The following EYA2 variants were observed in gnomAD, a reference collection of about 807,000 sequenced individuals.
EYA2 encodes the protein protein phosphatase EYA2.
Under a neutral mutation model 69.2 loss-of-function variants are expected in EYA2, and 31 were observed. That is an observed-to-expected ratio of 0.45 (90% CI 0.34 to 0.60). The LOEUF (loss-of-function observed/expected upper bound fraction) is 0.60, where lower values mean the gene tolerates loss of function less well. Among genes scored for constraint, EYA2 ranks in the 20% least tolerant of loss-of-function variants. EYA2 has a pLI of 0.02. For synonymous variants in EYA2, 257 were observed against 279.4 expected (o/e 0.92, Z 0.80); for missense variants, 622 against 701.2 (o/e 0.89, Z 1.28).
intron 1 of EYA2, among the ~76,000 whole-genome samples, chr20:46,903,726 C>T (rs1332124536): frequency 1.3e-5 from 2 of 152,230 alleles, no homozygotes; most frequent in Admixed American, 6.5e-5. Context: ...TTTGGAACTA[C>T]GGCTGGCAAG....
intron 1 of EYA2, among the ~76,000 whole-genome samples, chr20:46,970,176 C>G (rs1051573670): frequency 6.6e-5 from 10 of 152,238 alleles, no homozygotes; most frequent in African/African-American, 2.4e-4. Context: ...TTAAGCGCGA[C>G]TGAAGCGCGG....
intron 10 of EYA2, among the ~76,000 whole-genome samples, chr20:47,160,210 G>A (rs1459323658): frequency 3.3e-5 from 5 of 152,154 alleles, no homozygotes; most frequent in African/African-American, 7.2e-5. Flanking sequence ...GAGTGAGGAG[G>A]TGACTGTAGT....
chr20:47,023,216 TA>T (rs1382165995), intron 5 of EYA2, among the ~76,000 whole-genome samples: 2 of 152,200 alleles, frequency 1.3e-5, no homozygotes, highest in Admixed American at 1.3e-4. Context: ...TTTGCAAACA[TA>T]AGTAAAATAT....
At chr20:47,073,258 A>G (rs1324988245) in intron 6 of EYA2, among the ~76,000 whole-genome samples, 1 of 152,190 alleles carries the variant, frequency 6.6e-6, no homozygotes, top group Non-Finnish European at 1.5e-5. Flanking sequence ...TATTTGAAAC[A>G]ATGACTGTTG....
intron 15 of EYA2, among the ~76,000 whole-genome samples, chr20:47,186,809 T>G (rs1442284514): frequency 6.6e-6 from 1 of 152,204 alleles, no homozygotes; most frequent in Non-Finnish European, 1.5e-5. Context: ...TTCTTTACAT[T>G]CTTCCTAAGG....
At chr20:47,050,277 TG>T (rs2030264393) in intron 5 of EYA2, among the ~76,000 whole-genome samples, 1 of 152,216 alleles carries the variant, frequency 6.6e-6, no homozygotes, top group South Asian at 2.1e-4. Context: ...AAATGCTTTC[TG>T]TATGTAGCGA....
At chr20:47,164,369 C>G (rs2034137375) in intron 10 of EYA2, among the ~76,000 whole-genome samples, 1 of 152,186 alleles carries the variant, frequency 6.6e-6, no homozygotes, top group Admixed American at 6.5e-5. Context: ...ACAGAGCCTC[C>G]CCAAATGCCT....
intron 9 of EYA2, among the ~76,000 whole-genome samples, chr20:47,112,169 T>C (rs1538911): frequency 0.27 from 41,244 of 151,894 alleles, 6,110 homozygotes; most frequent in African/African-American, 0.4. Context: ...CATGACTATT[T>C]AGGAGGAAAA....
chr20:46,925,420 C>A (rs938515125), intron 1 of EYA2, among the ~76,000 whole-genome samples: 11 of 152,218 alleles, frequency 7.2e-5, no homozygotes, highest in Admixed American at 1.3e-4. Flanking sequence ...GAAATCTTTG[C>A]AGTTCATATG....
intron 9 of EYA2, among the ~76,000 whole-genome samples, chr20:47,121,870 T>G (rs2033054698): frequency 6.6e-6 from 1 of 152,172 alleles, no homozygotes; most frequent in African/African-American, 2.4e-5. Flanking sequence ...CCAACTGAGC[T>G]GACCAAGGCC....
At chr20:46,965,559 G>A (rs964521443) in intron 1 of EYA2, among the ~76,000 whole-genome samples, 2 of 152,222 alleles carry the variant, frequency 1.3e-5, no homozygotes, top group South Asian at 2.1e-4. Flanking sequence ...TGGGCCTCAC[G>A]CCTCATAGCT....
At chr20:47,143,206 T>G in intron 10 of EYA2, 58 bp downstream of exon 10, 1 of 1,390,114 alleles carries the variant, frequency 7.2e-7, no homozygotes, top group East Asian at 2.4e-5. Flanking sequence ...GCATCTAGTT[T>G]ATGGGAAGAA....
intron 1 of EYA2, among the ~76,000 whole-genome samples, chr20:46,983,883 T>C (rs1414776217): frequency 6.6e-6 from 1 of 152,172 alleles, no homozygotes; most frequent in East Asian, 1.9e-4. Context: ...CTCTCTGGGA[T>C]CTTGTTCCCT....
chr20:46,934,916 T>C (rs904983408), intron 1 of EYA2, among the ~76,000 whole-genome samples: 1 of 152,228 alleles, frequency 6.6e-6, no homozygotes, highest in Non-Finnish European at 1.5e-5. Flanking sequence ...GAAAGAGCTA[T>C]GGTTAGATTT....
chr20:46,959,944 A>G (rs1979372036), intron 1 of EYA2, among the ~76,000 whole-genome samples: 1 of 152,180 alleles, frequency 6.6e-6, no homozygotes, highest in South Asian at 2.1e-4. Context: ...GAATATGGGA[A>G]TCTGTCGCCT....
Position 47,146,788 on chromosome 20 carries a change from C to G in EYA2, c.978+3640C>G, listed in dbSNP as rs571091942. ...CCACCTGTAAGGGAGTTCCTTCCCG[C>G]GTCCAGCAGCGCTTTATGAAGGGCT... On this transcript the variant is annotated intron_variant, in intron 10 of 15. Transcript: ENST00000327619. Among the ~76,000 whole-genome samples, 3 of 152,194 alleles carry G rather than the reference C, an allele frequency of 2.0e-5. No homozygotes were observed. The South Asian group carries it at 6.2e-4, about 31-fold the overall frequency.
rs551799847 is a variant in EYA2, at chr20:47,018,552, G to T, written c.415+2255G>T. Among the ~76,000 whole-genome samples the T allele has an allele frequency of 1.6e-3, 249 of 152,266 alleles. 1 individual carries two copies. Among genetic ancestry groups the T allele is most frequent in the African/African-American group, 5.8e-3 (240 of 41,562 alleles). ...GATCGGCATTCAGCAGGTGGTCAGGGGCCTCCCGATGGAAAGGAGGCTGCC... is the reference window on the plus strand; with the variant it reads ...GATCGGCATTCAGCAGGTGGTCAGGTGCCTCCCGATGGAAAGGAGGCTGCC... On this transcript the variant is annotated intron_variant, in intron 5 of 15. Transcript: ENST00000327619.
chr20:47,112,296 C>T (rs1158459791), intron 9 of EYA2, among the ~76,000 whole-genome samples: 6 of 152,066 alleles, frequency 3.9e-5, no homozygotes, highest in Admixed American at 3.9e-4. Flanking sequence ...TAATTATAAC[C>T]ATGCAATTTA....
At chr20:47,178,225 GGCTAA>G (rs956713056) in intron 12 of EYA2, among the ~76,000 whole-genome samples, 2 of 151,970 alleles carry the variant, frequency 1.3e-5, no homozygotes, top group Non-Finnish European at 2.9e-5. Context: ...CTACTCAGGA[GGCTAA>G]GGTGGAAGGA....
Sources: allele counts gnomAD v4.1 joint callset (sites outside exome capture counted in the v4.1 genomes callset), GRCh38; gene constraint gnomAD v4.1.1; transcripts MANE v1.5; gene names NCBI Gene and HGNC (gene_info 2026-07-23, HGNC 2026-07-21).